KCNK2: variants seen among roughly 807,000 people sequenced by gnomAD.
KCNK2 encodes the protein potassium channel subfamily K member 2.
In KCNK2, 21 loss-of-function variants were observed where a neutral mutation model predicts 40.5. That is an observed-to-expected ratio of 0.52 (90% CI 0.37 to 0.75). The LOEUF (loss-of-function observed/expected upper bound fraction) is 0.75, where lower values mean the gene tolerates loss of function less well. Ranked by LOEUF, KCNK2 falls within the 30% of genes least tolerant of loss-of-function variation. The pLI is 0.00. For missense variants in KCNK2, 399 were observed against 531.6 expected, an observed-to-expected ratio of 0.75 and a Z score of 2.45; for synonymous variants, 191 against 202.2, an observed-to-expected ratio of 0.94 and a Z score of 0.47.
At chr1:215,043,152 A>G (rs750592448) in intron 1 of KCNK2, among the ~76,000 whole-genome samples, 69 of 152,166 alleles carry the variant, frequency 4.5e-4, no homozygotes, top group Non-Finnish European at 7.1e-4. Context: ...AAAAATTAAG[A>G]AGTGTTAGAA....
rs980211049 is a variant in KCNK2, at chr1:215,182,058, A to C, written c.823+9875A>C. On this transcript the variant is annotated intron_variant, in intron 5 of 6. Coordinates refer to ENST00000444842, the MANE Select transcript of KCNK2 (RefSeq NM_001017425.3). ...GGGAGATCTAAACTCTTAATCCAAG[A>C]GAGTAGTTGCTCCAGATGCCTGGAG... is the stretch of plus-strand genomic sequence containing the variant. Among the ~76,000 whole-genome samples the C allele has an allele frequency of 2.6e-5, 4 of 152,300 alleles. No individual in the cohort carries two copies. The East Asian group carries it at 7.7e-4, about 29-fold the overall frequency.
intron 3 of KCNK2, among the ~76,000 whole-genome samples, chr1:215,146,538 T>G (rs1662424690): frequency 6.6e-6 from 1 of 152,200 alleles, no homozygotes; most frequent in Non-Finnish European, 1.5e-5. Flanking sequence ...AAAACATCCC[T>G]TTGATTTACC....
intron 1 of KCNK2, among the ~76,000 whole-genome samples, chr1:215,067,840 C>T (rs1658612013): frequency 6.6e-6 from 1 of 152,106 alleles, no homozygotes; most frequent in Admixed American, 6.6e-5. Context: ...GTACTCCAGC[C>T]TTGGTGACAG....
In KCNK2 at chr1:215,097,220, G is replaced by T. The variant is rs1571905903; in HGVS notation, c.357+10542G>T. On this transcript the variant is annotated intron_variant, in intron 2 of 6. Coordinates refer to ENST00000444842, the MANE Select transcript of KCNK2 (RefSeq NM_001017425.3). ...AAAGTATGATTGTGGTAAAAATAAT[G>T]CTTTGGAAAGGCATGTAAGAAGATT... Among the ~76,000 whole-genome samples, 5 of 152,030 alleles carry T rather than the reference G, an allele frequency of 3.3e-5. No homozygotes were observed. The South Asian group carries it at 1.0e-3, about 32-fold the overall frequency.
intron 3 of KCNK2, among the ~76,000 whole-genome samples, chr1:215,130,350 A>T (rs72735354): frequency 1.8e-4 from 28 of 152,268 alleles, no homozygotes; most frequent in Non-Finnish European, 3.1e-4. Context: ...TTCTACGCAT[A>T]CCCAAATGCA....
chr1:215,219,193 G>A (rs569300552), intron 6 of KCNK2, among the ~76,000 whole-genome samples: 2 of 152,230 alleles, frequency 1.3e-5, no homozygotes, highest in African/African-American at 4.8e-5. Flanking sequence ...CCATTCTTGT[G>A]TGGCTGTAAA....
chr1:215,094,906 A>G lies in KCNK2; in HGVS notation c.357+8228A>G, dbSNP rs553094146. Reference sequence around the variant, plus strand: ...TGGGATGGTTATTTGAGAATGAGAAATTATTCTGCATGTAAATTTTCGTAT... The same window carrying G: ...TGGGATGGTTATTTGAGAATGAGAAGTTATTCTGCATGTAAATTTTCGTAT... On this transcript the variant is annotated intron_variant, in intron 2 of 6. Transcript: ENST00000444842. 5.5e-4 allele frequency among the ~76,000 whole-genome samples: 84 copies of G among 152,192 alleles called. 1 individual carries two copies. Among genetic ancestry groups the G allele is most frequent in the African/African-American group, 1.7e-3 (69 of 41,554 alleles).
intron 2 of KCNK2, among the ~76,000 whole-genome samples, chr1:215,107,781 G>C (rs961827233): frequency 4.0e-5 from 6 of 151,890 alleles, no homozygotes; most frequent in Non-Finnish European, 7.4e-5. Context: ...GGTATCCGTG[G>C]GTTCGGCATC....
chr1:215,068,063 T>A (rs1446035231), intron 1 of KCNK2, among the ~76,000 whole-genome samples: 1 of 151,182 alleles, frequency 6.6e-6, no homozygotes, highest in Non-Finnish European at 1.5e-5. Context: ...TTTTTTTTTT[T>A]AATTTCTTGG....
chr1:215,032,272 T>C (rs1052772691), intron 1 of KCNK2, among the ~76,000 whole-genome samples: 2 of 151,906 alleles, frequency 1.3e-5, no homozygotes, highest in African/African-American at 4.8e-5. Flanking sequence ...TAGGCGGGTA[T>C]GGTGGAACAT....
chr1:215,153,579 TA>T (rs35982118), intron 3 of KCNK2, among the ~76,000 whole-genome samples: 3,679 of 149,020 alleles, frequency 0.025, 58 homozygotes, highest in Non-Finnish European at 0.035. Flanking sequence ...TATATATATA[TA>T]TTTTTTTTTC....
intron 3 of KCNK2, among the ~76,000 whole-genome samples, chr1:215,137,464 T>C (rs1022196019): frequency 6.6e-6 from 1 of 152,190 alleles, no homozygotes; most frequent in African/African-American, 2.4e-5. Context: ...AGAGACCGTA[T>C]GGCCTCCAAA....
chr1:215,182,549 T>C (rs1396210767), intron 5 of KCNK2, among the ~76,000 whole-genome samples: 1 of 152,112 alleles, frequency 6.6e-6, no homozygotes, highest in African/African-American at 2.4e-5. Flanking sequence ...GCAAGTCTCC[T>C]TGCCCAAGAG....
chr1:215,056,615 C>CTTTTTTTTT (rs34925678), intron 1 of KCNK2, among the ~76,000 whole-genome samples: 1 of 103,984 alleles, frequency 9.6e-6, no homozygotes, highest in East Asian at 2.8e-4. Flanking sequence ...TGTGTCCACT[C>CTTTTTTTTT]TTTTTTTTTT....
At chr1:215,125,136 C>T (rs558826934) in intron 3 of KCNK2, among the ~76,000 whole-genome samples, 4 of 152,012 alleles carry the variant, frequency 2.6e-5, no homozygotes, top group Admixed American at 6.6e-5. Flanking sequence ...CGTGATATCA[C>T]CTTTTCGAAT....
At chr1:215,195,192 T>A in intron 6 of KCNK2, 100 bp downstream of exon 6, 2 of 965,190 alleles carry the variant, frequency 2.1e-6, no homozygotes, top group Non-Finnish European at 1.5e-6. Flanking sequence ...TTAAACATTT[T>A]AAAATGTTAA....
intron 1 of KCNK2, among the ~76,000 whole-genome samples, chr1:215,041,647 T>C (rs1343348886): frequency 6.6e-6 from 1 of 152,220 alleles, no homozygotes; most frequent in Non-Finnish European, 1.5e-5. Context: ...TTAAACTATG[T>C]GTTGAATTAT....
chr1:215,048,913 G>A (rs1354994943), intron 1 of KCNK2, among the ~76,000 whole-genome samples: 1 of 152,210 alleles, frequency 6.6e-6, no homozygotes, highest in African/African-American at 2.4e-5. Flanking sequence ...ATCCATCAAC[G>A]GCATCTGGGG....
chr1:215,195,675 AT>A (rs1664834362), intron 6 of KCNK2, among the ~76,000 whole-genome samples: 1 of 152,220 alleles, frequency 6.6e-6, no homozygotes, highest in Admixed American at 6.5e-5. Flanking sequence ...AGAAGTGAAC[AT>A]TAGAATTTTG....
Sources: gnomAD v4.1 joint callset for allele counts (sites outside exome capture counted in the v4.1 genomes callset) on GRCh38, gnomAD v4.1.1 for gene constraint, MANE v1.5 for transcripts, NCBI Gene and HGNC (gene_info 2026-07-23, HGNC 2026-07-21) for gene names.